Variants in KIAA0825 observed in about 807,000 individuals in gnomAD.
KIAA0825 encodes the protein KIAA0825, also known as uncharacterized protein KIAA0825.
Under a neutral mutation model 147.6 loss-of-function variants are expected in KIAA0825, and 119 were observed. The ratio of observed to expected loss-of-function variants is 0.81; its 90% confidence interval spans 0.69 to 0.94. The LOEUF (loss-of-function observed/expected upper bound fraction) is 0.94, where lower values mean the gene tolerates loss of function less well. KIAA0825 is among the 40% of genes least tolerant of loss of function. The probability of loss-of-function intolerance (pLI) is 0.00; values close to 1 mark genes in which losing one functional copy is unlikely to be tolerated. For missense variants in KIAA0825, 1,381 were observed against 1,472.7 expected (o/e 0.94, Z 1.02); for synonymous variants, 470 against 518.1 (o/e 0.91, Z 1.26).
At chr5:94,198,596 CAG>C (rs1318732042) in intron 20 of KIAA0825, among the ~76,000 whole-genome samples, 4 of 151,706 alleles carry the variant, frequency 2.6e-5, no homozygotes, top group African/African-American at 7.3e-5. Context: ...TGGGGCCTGT[CAG>C]GGGGTGGGAG....
chr5:94,470,820 GGACTGCTAA>G (rs1218857182), intron 9 of KIAA0825, among the ~76,000 whole-genome samples: 4 of 152,026 alleles, frequency 2.6e-5, no homozygotes, highest in Admixed American at 2.0e-4. Flanking sequence ...GGGTCACACA[GGACTGCTAA>G]GTCTACGTGT....
chr5:94,526,307 T>C (rs974573124), intron 3 of KIAA0825, among the ~76,000 whole-genome samples: 2 of 151,954 alleles, frequency 1.3e-5, no homozygotes, highest in Non-Finnish European at 2.9e-5. Flanking sequence ...GGAAATGCAC[T>C]GGAATGATCA....
At chr5:94,225,476 GT>G (rs1453737582) in intron 20 of KIAA0825, among the ~76,000 whole-genome samples, 1 of 152,176 alleles carries the variant, frequency 6.6e-6, no homozygotes, top group Non-Finnish European at 1.5e-5. Flanking sequence ...TAACGCCAAC[GT>G]AATGGTTAGG....
chr5:94,317,391 T>C (rs1264330763), intron 20 of KIAA0825, among the ~76,000 whole-genome samples: 3 of 151,868 alleles, frequency 2.0e-5, no homozygotes, highest in Non-Finnish European at 4.4e-5. Flanking sequence ...TGCTCAGCAC[T>C]GCACAGATCT....
chr5:94,514,054 T>C (rs555299670), intron 5 of KIAA0825, among the ~76,000 whole-genome samples: 2 of 152,240 alleles, frequency 1.3e-5, no homozygotes, highest in Middle Eastern at 6.8e-3. Context: ...GGTGGTGATA[T>C]AGCAAAGATA....
chr5:94,552,864 G>C (rs1263536013), intron 2 of KIAA0825, among the ~76,000 whole-genome samples: 1 of 152,160 alleles, frequency 6.6e-6, no homozygotes, highest in African/African-American at 2.4e-5. Flanking sequence ...TAGAAGCTGA[G>C]AAAGGTAAGG....
chr5:94,303,283 A>G (rs1375247288), intron 20 of KIAA0825, among the ~76,000 whole-genome samples: 1 of 152,074 alleles, frequency 6.6e-6, no homozygotes, highest in Non-Finnish European at 1.5e-5. Context: ...CCCAAATTTA[A>G]AATATAAAAG....
chr5:94,454,704 T>TA (rs1758864850), intron 12 of KIAA0825, among the ~76,000 whole-genome samples: 1 of 152,110 alleles, frequency 6.6e-6, no homozygotes, highest in South Asian at 2.1e-4. Context: ...GGATTAACAC[T>TA]AGCAGTTTTA....
At chr5:94,504,473 G>C (rs1765470734) in intron 5 of KIAA0825, among the ~76,000 whole-genome samples, 1 of 152,144 alleles carries the variant, frequency 6.6e-6, no homozygotes, top group Non-Finnish European at 1.5e-5. Flanking sequence ...TGATAAATTA[G>C]GGAAATAGTC....
intron 14 of KIAA0825, among the ~76,000 whole-genome samples, chr5:94,431,322 A>G (rs1403891968): frequency 1.3e-5 from 2 of 152,230 alleles, no homozygotes; most frequent in African/African-American, 4.8e-5. Flanking sequence ...AATAAAACAG[A>G]ATTGTCATAT....
chr5:94,466,208 G>T (rs1760474526), intron 10 of KIAA0825, among the ~76,000 whole-genome samples: 1 of 151,578 alleles, frequency 6.6e-6, no homozygotes, highest in Non-Finnish European at 1.5e-5. Flanking sequence ...TTTTCTTTAT[G>T]TATTACTCTT....
At chr5:94,330,060 G>T (rs1781110070) in intron 20 of KIAA0825, among the ~76,000 whole-genome samples, 2 of 151,988 alleles carry the variant, frequency 1.3e-5, no homozygotes, top group South Asian at 4.2e-4. Flanking sequence ...GTATTTGGGT[G>T]ATGGACACCC....
intron 14 of KIAA0825, among the ~76,000 whole-genome samples, chr5:94,436,638 T>C (rs1756410231): frequency 6.6e-6 from 1 of 152,204 alleles, no homozygotes; most frequent in African/African-American, 2.4e-5. Context: ...TTAAAATAGT[T>C]TTTTTCTAGT....
intron 20 of KIAA0825, among the ~76,000 whole-genome samples, chr5:94,303,482 A>C (rs546746758): frequency 6.6e-6 from 1 of 152,262 alleles, no homozygotes; most frequent in East Asian, 1.9e-4. Context: ...ATTAGTAAAT[A>C]TGATGCTGGA....
At chr5:94,341,567 C>G (rs1782387242) in intron 20 of KIAA0825, among the ~76,000 whole-genome samples, 1 of 152,156 alleles carries the variant, frequency 6.6e-6, no homozygotes, top group Non-Finnish European at 1.5e-5. Flanking sequence ...AAAGGAAGAG[C>G]ATGGCCATTA....
intron 1 of KIAA0825, among the ~76,000 whole-genome samples, chr5:94,610,172 C>T (rs1196939125): frequency 1.3e-5 from 2 of 152,116 alleles, no homozygotes; most frequent in Non-Finnish European, 2.9e-5. Context: ...GTAATACCAG[C>T]ACTTTGGGAG....
At chr5:94,227,773 G>A (rs919499352) in intron 20 of KIAA0825, among the ~76,000 whole-genome samples, 15 of 151,544 alleles carry the variant, frequency 9.9e-5, no homozygotes, top group African/African-American at 3.4e-4. Context: ...GTTGAACAAT[G>A]AGAACACATG....
At chr5:94,176,708 G>A (rs1583755948) in intron 20 of KIAA0825, among the ~76,000 whole-genome samples, 1 of 152,074 alleles carries the variant, frequency 6.6e-6, no homozygotes, top group Admixed American at 6.6e-5. Flanking sequence ...TACCCAAAGA[G>A]TACTTTGGGA....
intron 3 of KIAA0825, among the ~76,000 whole-genome samples, chr5:94,527,110 A>G (rs1584781047): frequency 6.6e-6 from 1 of 152,198 alleles, no homozygotes; most frequent in African/African-American, 2.4e-5. Flanking sequence ...TTATTTGAAG[A>G]ATAAGAAATA....
Sources: gnomAD v4.1 joint callset for allele counts (sites outside exome capture counted in the v4.1 genomes callset) on GRCh38, gnomAD v4.1.1 for gene constraint, MANE v1.5 for transcripts, NCBI Gene and HGNC (gene_info 2026-07-23, HGNC 2026-07-21) for gene names.